The following TMEM222 variants were observed in gnomAD, a reference collection of about 807,000 sequenced individuals.
TMEM222 encodes chromosome 1 open reading frame 160.
Under a neutral mutation model 25.1 loss-of-function variants are expected in TMEM222, and 18 were observed. The ratio of observed to expected loss-of-function variants is 0.72; its 90% CI spans 0.50 to 1.06. The LOEUF (loss-of-function observed/expected upper bound fraction) is 1.06. TMEM222 is among the 50% of genes least tolerant of loss of function. The pLI is 0.00. For missense variants in TMEM222, 296 were observed against 293.7 expected, an observed-to-expected ratio of 1.01 and a Z score of -0.06; for synonymous variants, 131 against 117.9, an observed-to-expected ratio of 1.11 and a Z score of -0.72.
chr1:27,334,492 G>A (rs1371038266), intron 5 of TMEM222: 17 of 1,302,342 alleles, frequency 1.3e-5, no homozygotes, highest in Non-Finnish European at 1.7e-5. Flanking sequence ...GGCCCCAAAT[G>A]CAGCTCTGGC....
At chr1:27,332,573 T>C (rs2014507289) in intron 3 of TMEM222, 2 of 714,252 alleles carry the variant, frequency 2.8e-6, no homozygotes, top group Non-Finnish European at 5.2e-6. Context: ...GAGCTATTGC[T>C]GGTTTGGTTT....
intron 5 of TMEM222, 25 bp downstream of exon 5, chr1:27,334,306 C>T (rs373044637): frequency 1.2e-6 from 2 of 1,613,578 alleles, no homozygotes; most frequent in Non-Finnish European, 1.7e-6. Context: ...TGCCTGCCCA[C>T]CCACACACTG....
intron 1 of TMEM222, among the ~76,000 whole-genome samples, chr1:27,324,333 A>AT (rs1190223168): frequency 6.6e-6 from 1 of 152,258 alleles, no homozygotes. Flanking sequence ...TCAAAAAAAA[A>AT]GAAAATAACT....
At chr1:27,333,704 T>C (rs532318248) in intron 3 of TMEM222, 28 of 539,080 alleles carry the variant, frequency 5.2e-5, no homozygotes, top group African/African-American at 1.3e-4. Flanking sequence ...TTTCAACATA[T>C]GAACTTGGGG....
chr1:27,322,625 A>C (rs2014232963), intron 1 of TMEM222, among the ~76,000 whole-genome samples: 1 of 152,236 alleles, frequency 6.6e-6, no homozygotes, highest in Non-Finnish European at 1.5e-5. Context: ...GTTGTAGGCC[A>C]GCAGGAAAGG....
chr1:27,323,616 T>C (rs1158305482), intron 1 of TMEM222, among the ~76,000 whole-genome samples: 2 of 151,940 alleles, frequency 1.3e-5, no homozygotes, highest in African/African-American at 4.8e-5. Flanking sequence ...CTACTAAAAA[T>C]ACAAAAATTA....
intron 1 of TMEM222, 86 bp downstream of exon 1, chr1:27,322,477 G>A (rs2014228761): frequency 1.6e-6 from 2 of 1,256,978 alleles, no homozygotes; most frequent in South Asian, 2.2e-5. Flanking sequence ...GCCCCAACGC[G>A]CAGCAAGCCT....
Position 27,322,232 on chromosome 1 carries a change from T to TGCCGCCGCCGCC in TMEM222, c.36_47dup (p.Pro16_Pro19dup), listed in dbSNP as rs769526371. ...GCGGAAGGGAGTTCTCTGCTCTTGTTGCCGCCGCCGCCACCCCCGCCCAGG... is the reference window on the plus strand; with the variant it reads ...GCGGAAGGGAGTTCTCTGCTCTTGTTGCCGCCGCCGCCGCCGCCGCCGCCACCCCCGCCCAGG... On this transcript the variant is annotated inframe_insertion, in exon 1 of 6. Transcript: ENST00000374076. 3 of 1,457,502 alleles carry TGCCGCCGCCGCC rather than the reference T, an allele frequency of 2.1e-6. No individual in the cohort carries two copies. Among genetic ancestry groups the TGCCGCCGCCGCC allele is most frequent in the African/African-American group, 1.5e-5 (1 of 68,784 alleles). 90.3% of individuals were successfully genotyped at this position (1,457,502 alleles called of 1,614,324 possible).
chr1:27,328,255 G>A lies in TMEM222; in HGVS notation c.195-2465G>A, dbSNP rs893522756. 2.0e-5 allele frequency among the ~76,000 whole-genome samples: 3 copies of A among 152,150 alleles called. No homozygotes were observed. In the East Asian group the frequency reaches 5.8e-4, roughly 29 times the overall value. ...AAGAGTGTTCCAGACGGAGGAGAGGGCAGATACAGAGAAAGCATGGGGTGG... is the reference window on the plus strand; with the variant it reads ...AAGAGTGTTCCAGACGGAGGAGAGGACAGATACAGAGAAAGCATGGGGTGG... On this transcript the variant is annotated intron_variant, in intron 1 of 5. Transcript: ENST00000374076.
Position 27,322,244 on chromosome 1 carries a change from C to T in TMEM222, c.47C>T (p.Pro16Leu). The change falls in exon 1 of 6, where the codon CCA (proline) becomes CTA (leucine). Residue 16 changes from proline (P) to leucine (L), a missense_variant. By Grantham distance (98) the Pro-to-Leu change is moderately conservative. Coordinates refer to ENST00000374076, the MANE Select transcript of TMEM222 (RefSeq NM_032125.3). Reference sequence around the variant, plus strand: ...TCTCTGCTCTTGTTGCCGCCGCCGCCACCCCCGCCCAGGATGGCGGAAGTG... The same window carrying T: ...TCTCTGCTCTTGTTGCCGCCGCCGCTACCCCCGCCCAGGATGGCGGAAGTG... ...GSSLLLLPPP[P>L]PPPRMAEVEA... 2.7e-6 allele frequency: 4 copies of T among 1,474,928 alleles called. No individual in the cohort carries two copies. In the South Asian group the frequency reaches 5.2e-5, roughly 19 times the overall value. The allele number at this position is 1,474,928 out of a possible 1,614,324, so 91.4% of individuals were successfully genotyped here.
chr1:27,322,180 G>A lies in TMEM222; in HGVS notation c.-18G>A. 7.2e-7 allele frequency: 1 copy of A among 1,380,680 alleles called. No homozygotes were observed. Among genetic ancestry groups the A allele is most frequent in the Non-Finnish European group, 9.5e-7 (1 of 1,056,006 alleles). 85.5% of individuals were successfully genotyped at this position (1,380,680 alleles called of 1,614,324 possible). Reference sequence around the variant, plus strand: ...GCGGCACCAGAGCCGGGGCCAGTCGGAGCGGGGCGCGCGCCGCATGGCGGA... The same window carrying A: ...GCGGCACCAGAGCCGGGGCCAGTCGAAGCGGGGCGCGCGCCGCATGGCGGA... On this transcript the variant is annotated 5_prime_UTR_variant, in exon 1 of 6. Coordinates refer to ENST00000374076, the MANE Select transcript of TMEM222 (RefSeq NM_032125.3).
Position 27,336,320 on chromosome 1 carries a change from T to G in TMEM222, c.*854T>G, listed in dbSNP as rs1480806468. The G allele has an allele frequency of 6.6e-6, 1 of 152,446 alleles. No individual in the cohort carries two copies. Among genetic ancestry groups the G allele is most frequent in the African/African-American group, 2.4e-5 (1 of 41,460 alleles). 9.4% of individuals were successfully genotyped at this position (152,446 alleles called of 1,614,324 possible). A position where few individuals can be genotyped will look rare whatever the true frequency, so the allele number is the denominator to read the frequency against. On this transcript the variant is annotated 3_prime_UTR_variant, in exon 6 of 6. Transcript: ENST00000374076. ...CCTTCACGTTGTCACCAAGGCCCTG[T>G]GCCGCCCGCCTCGCCCCCCTGCTCT...
chr1:27,331,083 A>G, intron 2 of TMEM222: 1 of 1,342,288 alleles, frequency 7.4e-7, no homozygotes, highest in Non-Finnish European at 9.7e-7. Flanking sequence ...TAGGGATTAG[A>G]GGCAAGAGTG....
intron 1 of TMEM222, among the ~76,000 whole-genome samples, chr1:27,324,577 A>G (rs2014294296): frequency 6.6e-6 from 1 of 152,234 alleles, no homozygotes; most frequent in Non-Finnish European, 1.5e-5. Flanking sequence ...GATGAATAAG[A>G]CACTGTGTTC....
intron 5 of TMEM222, chr1:27,335,069 G>T (rs1457271231): frequency 6.7e-6 from 3 of 445,022 alleles, no homozygotes; most frequent in Non-Finnish European, 1.2e-5. Context: ...GACCCTAGAG[G>T]TAGGTGGCTA....
intron 1 of TMEM222, chr1:27,325,910 C>T (rs540840959): frequency 2.4e-5 from 17 of 700,838 alleles, no homozygotes; most frequent in African/African-American, 7.0e-5. Flanking sequence ...AATAAGCCTT[C>T]GAAAAGAAAT....
chr1:27,324,873 G>A (rs1297303634), intron 1 of TMEM222, among the ~76,000 whole-genome samples: 2 of 152,074 alleles, frequency 1.3e-5, no homozygotes, highest in Admixed American at 6.5e-5. Context: ...TCACTATCAC[G>A]AGAACAGCAC....
intron 1 of TMEM222, among the ~76,000 whole-genome samples, chr1:27,324,471 G>A (rs893945357): frequency 1.3e-5 from 2 of 152,196 alleles, no homozygotes; most frequent in African/African-American, 2.4e-5. Context: ...TGGTAGCAGC[G>A]TGAGGTGGAG....
chr1:27,334,838 G>T (rs993961258), intron 5 of TMEM222: 47 of 1,081,488 alleles, frequency 4.3e-5, no homozygotes, highest in South Asian at 5.8e-5. Flanking sequence ...GACTTTTAGG[G>T]ATATTTTTAA....
Sources: allele counts gnomAD v4.1 joint callset (sites outside exome capture counted in the v4.1 genomes callset), GRCh38; gene constraint gnomAD v4.1.1; transcripts MANE v1.5; gene names NCBI Gene and HGNC (gene_info 2026-07-23, HGNC 2026-07-21).